MARCHF10: variants seen among roughly 807,000 people sequenced by gnomAD.
MARCHF10 encodes membrane associated ring-CH-type finger 10.
Under a neutral mutation model 76.2 loss-of-function variants are expected in MARCHF10, and 64 were observed. That is an observed-to-expected ratio of 0.84 (90% CI 0.69 to 1.03). MARCHF10 has a LOEUF of 1.03. Among genes scored for constraint, MARCHF10 ranks in the 50% least tolerant of loss-of-function variants. The pLI is 0.00. For synonymous variants in MARCHF10, 340 were observed against 357.5 expected (o/e 0.95, Z 0.55); for missense variants, 875 against 958.0 (o/e 0.91, Z 1.14).
intron 2 of MARCHF10, among the ~76,000 whole-genome samples, chr17:62,794,102 C>T (rs1296552550): frequency 6.7e-6 from 1 of 148,942 alleles, no homozygotes; most frequent in Admixed American, 6.7e-5. Context: ...GCCACCACCC[C>T]CATCAACCAC....
intron 3 of MARCHF10, among the ~76,000 whole-genome samples, chr17:62,764,094 G>T (rs1271103130): frequency 2.6e-5 from 4 of 152,134 alleles, no homozygotes; most frequent in Non-Finnish European, 5.9e-5. Flanking sequence ...GAAGGGGGAT[G>T]AATCTCCTCG....
chr17:62,764,862 C>G (rs2092291143), intron 3 of MARCHF10, among the ~76,000 whole-genome samples: 1 of 152,156 alleles, frequency 6.6e-6, no homozygotes, highest in South Asian at 2.1e-4. Context: ...TTTGAGTGTG[C>G]CAGAATTGTA....
chr17:62,768,659 T>C (rs1171107051), intron 3 of MARCHF10, among the ~76,000 whole-genome samples: 2 of 152,216 alleles, frequency 1.3e-5, no homozygotes, highest in African/African-American at 2.4e-5. Context: ...TCACACCCTT[T>C]ATTCTTTACC....
intron 6 of MARCHF10, among the ~76,000 whole-genome samples, chr17:62,728,059 A>T (rs1169825712): frequency 6.6e-6 from 1 of 152,220 alleles, no homozygotes; most frequent in African/African-American, 2.4e-5. Context: ...GTCTTGCTAG[A>T]GACAGGTCTC....
chr17:62,753,461 T>C (rs2091955346), intron 4 of MARCHF10, among the ~76,000 whole-genome samples: 1 of 152,216 alleles, frequency 6.6e-6, no homozygotes, highest in Admixed American at 6.5e-5. Context: ...TGAGATCTTC[T>C]TCAATGCAGG....
At chr17:62,802,602 G>A (rs993027377) in intron 1 of MARCHF10, among the ~76,000 whole-genome samples, 1 of 152,178 alleles carries the variant, frequency 6.6e-6, no homozygotes, top group African/African-American at 2.4e-5. Context: ...GCAGAACTAT[G>A]CGGCTCTTTG....
chr17:62,701,878 A>G (rs1267728058), intron 10 of MARCHF10, 120 bp from the exon 11 acceptor site: 7 of 1,308,914 alleles, frequency 5.3e-6, no homozygotes, highest in Non-Finnish European at 7.6e-6. Context: ...AGCCACCCAC[A>G]TGGCCACAGT....
intron 4 of MARCHF10, among the ~76,000 whole-genome samples, chr17:62,756,653 ATGTTT>A (rs1215067699): frequency 6.6e-6 from 1 of 152,210 alleles, no homozygotes; most frequent in Non-Finnish European, 1.5e-5. Context: ...GGCTGGATGT[ATGTTT>A]TATCATTGAG....
intron 5 of MARCHF10, among the ~76,000 whole-genome samples, chr17:62,739,277 C>A (rs1599168033): frequency 6.6e-6 from 1 of 152,086 alleles, no homozygotes; most frequent in East Asian, 1.9e-4. Context: ...CCAGCCTGGG[C>A]AACAGAGTGA....
intron 2 of MARCHF10, chr17:62,795,129 C>T (rs1003643331): frequency 9.0e-6 from 8 of 886,922 alleles, no homozygotes; most frequent in Non-Finnish European, 9.5e-6. Flanking sequence ...CCTTGCCACC[C>T]GCTATAAAGT....
chr17:62,746,582 T>C (rs147382597), intron 4 of MARCHF10, among the ~76,000 whole-genome samples: 1 of 152,158 alleles, frequency 6.6e-6, no homozygotes, highest in African/African-American at 2.4e-5. Context: ...AGCTTCTCCC[T>C]TATCACCTGA....
intron 2 of MARCHF10, among the ~76,000 whole-genome samples, chr17:62,801,284 G>A (rs549557379): frequency 3.3e-5 from 5 of 151,788 alleles, no homozygotes; most frequent in East Asian, 1.9e-4. Context: ...TCAGCCTCCC[G>A]AGTAGCTGGG....
intron 6 of MARCHF10, among the ~76,000 whole-genome samples, chr17:62,727,029 A>G (rs1202517850): frequency 6.6e-6 from 1 of 152,220 alleles, no homozygotes; most frequent in Non-Finnish European, 1.5e-5. Flanking sequence ...CATCAGGTTC[A>G]CCGGTAGAGA....
intron 2 of MARCHF10, among the ~76,000 whole-genome samples, chr17:62,789,622 A>C (rs1027150997): frequency 6.6e-6 from 1 of 152,182 alleles, no homozygotes; most frequent in Non-Finnish European, 1.5e-5. Context: ...ATCCCCCAGC[A>C]TCCAGCATTT....
At position 62,738,555 on chromosome 17, in the gene MARCHF10, C is replaced by A. The variant is rs755507148; in HGVS notation, c.536-1223G>T. On this transcript the variant is annotated intron_variant, in intron 5 of 10. Transcript: ENST00000311269. This position sits in a 1 kb window ranked among gnomAD's most constrained non-coding sequence, Gnocchi z 4.0. ...AAAGCGGTTCACCCTGTAGAGTGGA[C>A]GGGACTCCACGGGCCCTGGAAGGTC... Among the ~76,000 whole-genome samples, 7 of 152,090 alleles carry A rather than the reference C, an allele frequency of 4.6e-5. No homozygotes were observed. The highest frequency in any genetic ancestry group is 4.6e-4 in the Admixed American group (7 of 15,258).
chr17:62,770,100 A>G (rs146462117), intron 3 of MARCHF10, among the ~76,000 whole-genome samples: 33 of 152,314 alleles, frequency 2.2e-4, no homozygotes, highest in African/African-American at 5.8e-4. Context: ...GCTCCCACTT[A>G]TAAGTGAGAA....
In MARCHF10 at chr17:62,746,876, G is replaced by C. The variant is rs768202771; in HGVS notation, c.383-2348C>G. The stretch of plus-strand genomic sequence containing the variant: ...GCCACTGCATTCACCTTCACAGGGA[G>C]GGATGCTTCTGCTCATGGGACCTTT... On this transcript the variant is annotated intron_variant, in intron 4 of 10. Coordinates refer to ENST00000311269, the MANE Select transcript of MARCHF10 (RefSeq NM_152598.4). The C allele has an allele frequency of 2.0e-6, 3 of 1,535,572 alleles. 1 individual carries two copies. In the South Asian group the frequency reaches 3.6e-5, roughly 18 times the overall value.
chr17:62,735,752 A>T, intron 6 of MARCHF10, 179 bp downstream of exon 6: 1 of 601,254 alleles, frequency 1.7e-6, no homozygotes, highest in Non-Finnish European at 2.8e-6. Context: ...ACTTTTCTTT[A>T]TAAATACGTA....
intron 4 of MARCHF10, among the ~76,000 whole-genome samples, chr17:62,757,508 C>A (rs1279340529): frequency 1.3e-5 from 2 of 152,226 alleles, no homozygotes; most frequent in Non-Finnish European, 2.9e-5. Context: ...TGTCTCAGTT[C>A]TCATTTCACT....
Sources: allele counts gnomAD v4.1 joint callset (sites outside exome capture counted in the v4.1 genomes callset), GRCh38; gene constraint gnomAD v4.1.1; non-coding constraint Gnocchi (gnomAD v3.1); transcripts MANE v1.5; gene names NCBI Gene and HGNC (gene_info 2026-07-23, HGNC 2026-07-21).